ABLIM1: variants seen among roughly 807,000 people sequenced by gnomAD.
The protein encoded by ABLIM1 is actin binding LIM protein 1, also known as actin-binding LIM protein 1.
In ABLIM1, 40 loss-of-function variants were observed where a neutral mutation model predicts 107.0. That is an observed-to-expected ratio of 0.37 (90% confidence interval 0.29 to 0.49). The LOEUF (loss-of-function observed/expected upper bound fraction) is 0.49, where lower values mean the gene tolerates loss of function less well. ABLIM1 is among the 20% of genes least tolerant of loss of function. The pLI is 0.97. For synonymous variants in ABLIM1, 357 were observed against 357.3 expected (o/e 1.00, Z 0.01); for missense variants, 857 against 1,008.5 (o/e 0.85, Z 2.04).
At chr10:114,468,032 G>T in intron 11 of ABLIM1, 149 bp downstream of exon 11, 4 of 679,678 alleles carry the variant, frequency 5.9e-6, no homozygotes, top group Non-Finnish European at 7.8e-6. Context: ...CCTCTTTCAC[G>T]GAGGTAATCC....
chr10:114,506,755 C>T (rs1049536305), intron 6 of ABLIM1, among the ~76,000 whole-genome samples: 3 of 152,162 alleles, frequency 2.0e-5, no homozygotes, highest in Non-Finnish European at 4.4e-5. Context: ...GCCAGATATA[C>T]AATTTGTGAA....
intron 1 of ABLIM1, chr10:114,632,197 T>G (rs2078232940): frequency 1.0e-6 from 1 of 985,130 alleles, no homozygotes; most frequent in Non-Finnish European, 1.2e-6. Flanking sequence ...CTGAAACCAC[T>G]CGCTACAGCT....
chr10:114,654,219 A>G (rs542725706), intron 1 of ABLIM1, among the ~76,000 whole-genome samples: 13 of 152,242 alleles, frequency 8.5e-5, no homozygotes, highest in African/African-American at 2.2e-4. Flanking sequence ...CCTGTGCAGC[A>G]TCTATAGTTC....
chr10:114,437,658 C>T (rs563023363), intron 22 of ABLIM1, among the ~76,000 whole-genome samples, 186 bp downstream of exon 22: 1 of 152,300 alleles, frequency 6.6e-6, no homozygotes, highest in Admixed American at 6.5e-5. Flanking sequence ...CATTTTTATG[C>T]TGATCTAAGT....
intron 6 of ABLIM1, among the ~76,000 whole-genome samples, chr10:114,518,147 C>T (rs1289903479): frequency 6.6e-6 from 1 of 151,902 alleles, no homozygotes; most frequent in Non-Finnish European, 1.5e-5. Flanking sequence ...GAATACATGC[C>T]CTCCCACAGG....
the ABLIM1 span, among the ~76,000 whole-genome samples, chr10:114,796,937 G>T: frequency 1.1e-4 from 16 of 152,182 alleles, no homozygotes; most frequent in African/African-American, 3.9e-4. Flanking sequence ...CCCAAACCGT[G>T]AACTTTCAGC....
intron 6 of ABLIM1, among the ~76,000 whole-genome samples, chr10:114,498,852 C>T (rs2060023464): frequency 6.6e-6 from 1 of 152,196 alleles, no homozygotes; most frequent in Non-Finnish European, 1.5e-5. Flanking sequence ...AATGGCCACA[C>T]ACACTTGTCA....
At chr10:114,711,365 C>A (rs1279488132) in intron 1 of ABLIM1, among the ~76,000 whole-genome samples, 1 of 152,138 alleles carries the variant, frequency 6.6e-6, no homozygotes, top group African/African-American at 2.4e-5. Flanking sequence ...TCATCCATAA[C>A]CTTCCCTTGT....
At chr10:114,640,459 G>A (rs774047269) in intron 1 of ABLIM1, among the ~76,000 whole-genome samples, 2 of 152,114 alleles carry the variant, frequency 1.3e-5, no homozygotes, top group Non-Finnish European at 2.9e-5. Flanking sequence ...CCCAGTAGGC[G>A]GAGGCTGCAG....
chr10:114,595,874 C>T (rs924557580), intron 2 of ABLIM1, among the ~76,000 whole-genome samples: 5 of 152,200 alleles, frequency 3.3e-5, no homozygotes, highest in Non-Finnish European at 7.3e-5. Context: ...CCATTATCCA[C>T]ATGCCAAAGG....
At chr10:114,439,898 C>A in intron 20 of ABLIM1, 184 bp downstream of exon 20, 1 of 1,005,306 alleles carries the variant, frequency 9.9e-7, no homozygotes, top group Non-Finnish European at 1.4e-6. Flanking sequence ...CCAAGGCCTG[C>A]AGGGACAGCT....
intron 1 of ABLIM1, among the ~76,000 whole-genome samples, chr10:114,754,784 G>A (rs2082593230): frequency 6.6e-6 from 1 of 152,158 alleles, no homozygotes. Context: ...AAAGAGAAAA[G>A]GTTGAGATAA....
At chr10:114,747,660 T>C (rs1365805095) in intron 1 of ABLIM1, among the ~76,000 whole-genome samples, 4 of 152,252 alleles carry the variant, frequency 2.6e-5, no homozygotes, top group Non-Finnish European at 5.9e-5. Context: ...TGTGCAAGTA[T>C]ACAAATGATC....
intron 6 of ABLIM1, among the ~76,000 whole-genome samples, chr10:114,534,641 C>G (rs1237122925): frequency 6.6e-6 from 1 of 152,200 alleles, no homozygotes; most frequent in African/African-American, 2.4e-5. Flanking sequence ...GCCGCCGCCA[C>G]CCCGCCGCAT....
intron 18 of ABLIM1, among the ~76,000 whole-genome samples, chr10:114,441,288 A>G (rs1231518959): frequency 4.6e-5 from 7 of 152,094 alleles, no homozygotes; most frequent in Admixed American, 4.6e-4. Context: ...GGCTCTTGGT[A>G]AGCAGGGATC....
At chr10:114,450,586 C>T (rs542284846) in intron 14 of ABLIM1, among the ~76,000 whole-genome samples, 3 of 151,698 alleles carry the variant, frequency 2.0e-5, no homozygotes, top group African/African-American at 7.3e-5. Context: ...CAGGTGTGCG[C>T]CACCACGCCC....
chr10:114,465,587 G>T, intron 12 of ABLIM1, 111 bp downstream of exon 12: 1 of 1,380,980 alleles, frequency 7.2e-7, no homozygotes, highest in Non-Finnish European at 9.8e-7. Flanking sequence ...CTCTGGGAGA[G>T]GGATGGAAAT....
intron 8 of ABLIM1, among the ~76,000 whole-genome samples, chr10:114,482,715 T>A (rs911268516): frequency 6.6e-6 from 1 of 152,198 alleles, no homozygotes; most frequent in Non-Finnish European, 1.5e-5. Context: ...AGGAATCAGA[T>A]GTCCCTTTTG....
chr10:114,566,502 G>A (rs952167207), intron 4 of ABLIM1, among the ~76,000 whole-genome samples: 3 of 152,088 alleles, frequency 2.0e-5, no homozygotes, highest in African/African-American at 4.8e-5. Context: ...TGAAGCTTTC[G>A]AAGATTGTAC....
Sources: allele counts gnomAD v4.1 joint callset (sites outside exome capture counted in the v4.1 genomes callset), GRCh38; gene constraint gnomAD v4.1.1; transcripts MANE v1.5; gene names NCBI Gene and HGNC (gene_info 2026-07-23, HGNC 2026-07-21).